KCNN3: variants seen among roughly 807,000 people sequenced by gnomAD.
The protein encoded by KCNN3 is small conductance calcium-activated potassium channel protein 3.
Under a neutral mutation model 62.9 loss-of-function variants are expected in KCNN3, and 16 were observed. That is an observed-to-expected ratio of 0.25 (90% confidence interval 0.17 to 0.39). KCNN3 has a LOEUF of 0.39. Ranked by LOEUF, KCNN3 falls within the 10% of genes least tolerant of loss-of-function variation. KCNN3 has a pLI of 1.00. For synonymous variants in KCNN3, 370 were observed against 389.2 expected (o/e 0.95, Z 0.58); for missense variants, 599 against 949.4 (o/e 0.63, Z 4.85).
At chr1:154,748,579 C>T (rs982079861) in intron 3 of KCNN3, among the ~76,000 whole-genome samples, 3 of 152,204 alleles carry the variant, frequency 2.0e-5, no homozygotes, top group East Asian at 1.9e-4. Flanking sequence ...GTGCCAATCA[C>T]GTGCCATGTG....
chr1:154,769,839 C>T (rs1441942346), intron 3 of KCNN3, among the ~76,000 whole-genome samples: 2 of 152,184 alleles, frequency 1.3e-5, no homozygotes, highest in Non-Finnish European at 2.9e-5. Flanking sequence ...AAGAAGGCAG[C>T]ACAAAATTCC....
intron 7 of KCNN3, among the ~76,000 whole-genome samples, chr1:154,708,851 T>G (rs1015853972): frequency 6.6e-6 from 1 of 152,124 alleles, no homozygotes. Flanking sequence ...AGACAGGATG[T>G]AAAGTGAATT....
chr1:154,774,291 G>T (rs1648700588), intron 2 of KCNN3, among the ~76,000 whole-genome samples: 1 of 152,200 alleles, frequency 6.6e-6, no homozygotes, highest in South Asian at 2.1e-4. Context: ...GATGCTTCCT[G>T]CTGTCACCTC....
intron 3 of KCNN3, among the ~76,000 whole-genome samples, chr1:154,749,520 A>AG (rs1647253841): frequency 6.6e-6 from 1 of 152,196 alleles, no homozygotes. Flanking sequence ...TGTTTCCCAG[A>AG]GCAGTGGGGT....
At chr1:154,775,233 A>C (rs1369066858) in intron 2 of KCNN3, among the ~76,000 whole-genome samples, 2 of 152,216 alleles carry the variant, frequency 1.3e-5, no homozygotes, top group East Asian at 3.8e-4. Context: ...AGGACCCAGG[A>C]GAGGACCTAT....
At chr1:154,857,786 A>G (rs1177436206) in intron 1 of KCNN3, among the ~76,000 whole-genome samples, 1 of 152,176 alleles carries the variant, frequency 6.6e-6, no homozygotes, top group African/African-American at 2.4e-5. Context: ...GTGAGGACTT[A>G]ATGAGATGAG....
chr1:154,714,321 T>C (rs368470745), intron 6 of KCNN3, among the ~76,000 whole-genome samples: 25 of 92,352 alleles, frequency 2.7e-4, no homozygotes, highest in African/African-American at 1.1e-3. Flanking sequence ...TTGTGTGAGG[T>C]GTGTGTGTGT....
chr1:154,717,265 C>T (rs780931912), intron 5 of KCNN3, among the ~76,000 whole-genome samples: 13 of 152,132 alleles, frequency 8.5e-5, no homozygotes, highest in East Asian at 1.9e-4. Flanking sequence ...CAAGACTAGA[C>T]AATTATTAAT....
At chr1:154,755,025 C>T (rs967620005) in intron 3 of KCNN3, among the ~76,000 whole-genome samples, 2 of 152,308 alleles carry the variant, frequency 1.3e-5, no homozygotes, top group East Asian at 1.9e-4. Context: ...CCGCCACCAC[C>T]GCCCTTCTAA....
intron 1 of KCNN3, among the ~76,000 whole-genome samples, chr1:154,852,441 T>C (rs60296471): frequency 0.039 from 5,925 of 151,722 alleles, 353 homozygotes; most frequent in African/African-American, 0.13. Flanking sequence ...CTCGAACTCC[T>C]GGCCTTAAGC....
intron 1 of KCNN3, among the ~76,000 whole-genome samples, chr1:154,851,525 T>A (rs1652299267): frequency 6.6e-6 from 1 of 152,234 alleles, no homozygotes; most frequent in South Asian, 2.1e-4. Context: ...GTCTTCTCCA[T>A]TCAATTAACA....
chr1:154,853,693 C>T lies in KCNN3; in HGVS notation c.933+15339G>A, dbSNP rs551667820. ...GCATGGTGGCTCATGCCTGTAATCC[C>T]AGCACTTTGGGAGGGCAAGGCAGGC... On this transcript the variant is annotated intron_variant, in intron 1 of 7. Coordinates refer to ENST00000271915, the MANE Select transcript of KCNN3 (RefSeq NM_002249.6). 2.5e-3 allele frequency among the ~76,000 whole-genome samples: 385 copies of T among 152,324 alleles called. 2 individuals are homozygous for T. The highest frequency in any genetic ancestry group is 0.014 in the Middle Eastern group (4 of 294).
rs5777927 is a variant in KCNN3, at chr1:154,707,425, C to CTTTTTTTTTTTTTTTTTTGTTTT, written c.*550_*551insAAAACAAAAAAAAAAAAAAAAAA. The CTTTTTTTTTTTTTTTTTTGTTTT allele has an allele frequency of 7.2e-6, 1 of 137,984 alleles. No individual in the cohort carries two copies. Among genetic ancestry groups the CTTTTTTTTTTTTTTTTTTGTTTT allele is most frequent in the African/African-American group, 2.7e-5 (1 of 36,986 alleles). The allele number at this position is 137,984 out of a possible 1,614,324, so 8.5% of individuals were successfully genotyped here. ...AATCTGGCTTTTTATTTGTCTGTGT[C>CTTTTTTTTTTTTTTTTTTGTTTT]TTTTTTTTTTTTTTTCAGTCTGATT... On this transcript the variant is annotated 3_prime_UTR_variant, in exon 8 of 8. Transcript: ENST00000271915.
intron 1 of KCNN3, among the ~76,000 whole-genome samples, chr1:154,856,066 T>C (rs1311759778): frequency 6.6e-6 from 1 of 152,208 alleles, no homozygotes; most frequent in Non-Finnish European, 1.5e-5. Flanking sequence ...GAAAAGTACA[T>C]TTCTTTTCCT....
chr1:154,772,064 C>A lies in KCNN3; in HGVS notation c.1359G>T (p.Thr453=), dbSNP rs370594487. Residue 453 remains threonine, a synonymous_variant, in exon 3 of 8, where the codon ACG becomes ACT. Coordinates refer to ENST00000271915, the MANE Select transcript of KCNN3 (RefSeq NM_002249.6). This position sits in a 1 kb window ranked among gnomAD's most constrained non-coding sequence, Gnocchi z 5.6. ...CAGTGCCAGGGCAGATGGTCATGAG[C>A]GTCTTCATGACAAAGCGGGTGTTGA... ...INFNTRFVMK[T]LMTICPGTVL... 3 of 1,613,964 alleles carry A rather than the reference C, an allele frequency of 1.9e-6. No individual in the cohort carries two copies. The highest frequency in any genetic ancestry group is 2.5e-6 in the Non-Finnish European group (3 of 1,179,966).
At chr1:154,820,928 G>T (rs1413587626) in intron 2 of KCNN3, among the ~76,000 whole-genome samples, 2 of 152,228 alleles carry the variant, frequency 1.3e-5, no homozygotes, top group Non-Finnish European at 2.9e-5. Context: ...TCTAAGAGGA[G>T]GAGGCACTCC....
intron 2 of KCNN3, among the ~76,000 whole-genome samples, chr1:154,779,273 C>A (rs1445260129): frequency 6.6e-6 from 1 of 152,224 alleles, no homozygotes; most frequent in African/African-American, 2.4e-5. Flanking sequence ...AAAACTAATT[C>A]TTATATTTGG....
intron 1 of KCNN3, among the ~76,000 whole-genome samples, chr1:154,854,943 C>T (rs114494540): frequency 0.02 from 3,106 of 152,184 alleles, 97 homozygotes; most frequent in African/African-American, 0.07. Context: ...TTTGGCCAAG[C>T]GCAGTGGCTC....
intron 1 of KCNN3, among the ~76,000 whole-genome samples, chr1:154,857,250 A>G (rs959078057): frequency 1.3e-5 from 2 of 152,236 alleles, no homozygotes; most frequent in African/African-American, 4.8e-5. Context: ...AGTTTTCTCA[A>G]CAAGGCTGCA....
Sources: allele counts gnomAD v4.1 joint callset (sites outside exome capture counted in the v4.1 genomes callset), GRCh38; gene constraint gnomAD v4.1.1; non-coding constraint Gnocchi (gnomAD v3.1); transcripts MANE v1.5; gene names NCBI Gene and HGNC (gene_info 2026-07-23, HGNC 2026-07-21).